The following LRRTM4 variants were observed in gnomAD, a reference collection of about 807,000 sequenced individuals.
LRRTM4 encodes the protein leucine rich repeat transmembrane neuronal 4, also known as leucine-rich repeat transmembrane neuronal protein 4.
Under a neutral mutation model 47.6 loss-of-function variants are expected in LRRTM4, and 25 were observed. That is an observed-to-expected ratio of 0.53 (90% CI 0.38 to 0.73). The LOEUF (loss-of-function observed/expected upper bound fraction) is 0.73. Ranked by LOEUF, LRRTM4 falls within the 30% of genes least tolerant of loss-of-function variation. The pLI is 0.00. For synonymous variants in LRRTM4, 311 were observed against 269.5 expected (o/e 1.15, Z -1.51); for missense variants, 638 against 713.4 (o/e 0.89, Z 1.20).
intron 3 of LRRTM4, among the ~76,000 whole-genome samples, chr2:77,394,376 GA>G (rs1242922963): frequency 6.6e-6 from 1 of 151,766 alleles, no homozygotes; most frequent in African/African-American, 2.4e-5. Context: ...TTCACTTTTG[GA>G]AAAGATAGTT....
At chr2:77,333,857 C>A (rs369058078) in intron 3 of LRRTM4, among the ~76,000 whole-genome samples, 1 of 152,116 alleles carries the variant, frequency 6.6e-6, no homozygotes, top group Non-Finnish European at 1.5e-5. Context: ...GGAAAAGCTG[C>A]GGACACTCAG....
intron 3 of LRRTM4, among the ~76,000 whole-genome samples, chr2:77,040,270 A>T (rs1233654210): frequency 6.6e-6 from 1 of 151,330 alleles, no homozygotes; most frequent in Admixed American, 6.6e-5. Context: ...TATATATATA[A>T]AATCATGATG....
Position 77,311,470 on chromosome 2 carries a change from G to A in LRRTM4, c.1551+206848C>T, listed in dbSNP as rs188905350. On this transcript the variant is annotated intron_variant, in intron 3 of 3. Transcript: ENST00000409884. The stretch of plus-strand genomic sequence containing the variant: ...ATTGAATCATGTTTACCAGCCGTGG[G>A]AAATTAGGCAAGCTTCAAGTCCTTG... Among the ~76,000 whole-genome samples the A allele has an allele frequency of 2.6e-5, 4 of 152,294 alleles. No individual in the cohort carries two copies. In the South Asian group the frequency reaches 8.3e-4, roughly 32 times the overall value.
At chr2:77,035,380 T>C (rs904926538) in intron 3 of LRRTM4, among the ~76,000 whole-genome samples, 5 of 151,972 alleles carry the variant, frequency 3.3e-5, no homozygotes. Flanking sequence ...GCTATTGACA[T>C]TGGTATAATC....
chr2:77,478,037 A>C (rs551925243), intron 3 of LRRTM4, among the ~76,000 whole-genome samples: 4 of 152,128 alleles, frequency 2.6e-5, no homozygotes, highest in African/African-American at 9.7e-5. Context: ...TCAGGCTCAT[A>C]GTTTTCCAGT....
chr2:77,381,809 T>A (rs2103793497), intron 3 of LRRTM4, among the ~76,000 whole-genome samples: 1 of 152,160 alleles, frequency 6.6e-6, no homozygotes. Context: ...TTTATGTAGA[T>A]AAAAAGTATA....
chr2:77,486,316 T>C (rs1043081095), intron 3 of LRRTM4, among the ~76,000 whole-genome samples: 6 of 152,188 alleles, frequency 3.9e-5, no homozygotes, highest in African/African-American at 1.4e-4. Context: ...ATCCTTTCCT[T>C]ACTCAAAAAC....
intron 3 of LRRTM4, among the ~76,000 whole-genome samples, chr2:76,815,643 G>C (rs905324602): frequency 6.6e-5 from 10 of 152,082 alleles, no homozygotes; most frequent in African/African-American, 1.9e-4. Context: ...TTGTTTTGAA[G>C]ACTGCAAAAA....
At chr2:77,453,638 G>A (rs1676352087) in intron 3 of LRRTM4, among the ~76,000 whole-genome samples, 1 of 151,856 alleles carries the variant, frequency 6.6e-6, no homozygotes. Flanking sequence ...TGCTTTTCTT[G>A]ATATAATATT....
At chr2:77,225,843 A>G (rs1169194449) in intron 3 of LRRTM4, among the ~76,000 whole-genome samples, 2 of 152,146 alleles carry the variant, frequency 1.3e-5, no homozygotes, top group East Asian at 3.9e-4. Context: ...AGCACATTCA[A>G]ATATAATATT....
chr2:76,791,496 G>C (rs1573109629), intron 3 of LRRTM4, among the ~76,000 whole-genome samples: 1 of 152,284 alleles, frequency 6.6e-6, no homozygotes, highest in South Asian at 2.1e-4. Context: ...CAACAAGGAA[G>C]ACAAGGGACT....
chr2:77,193,070 TA>T (rs1396006803), intron 3 of LRRTM4, among the ~76,000 whole-genome samples: 1 of 152,202 alleles, frequency 6.6e-6, no homozygotes, highest in Non-Finnish European at 1.5e-5. Flanking sequence ...CTTAGTGACA[TA>T]GCCATTGTGC....
In LRRTM4 at chr2:77,091,358, A is replaced by C. The variant is rs551356599; in HGVS notation, c.1552-342442T>G. Among the ~76,000 whole-genome samples, 564 of 141,046 alleles carry C rather than the reference A, an allele frequency of 4.0e-3. 5 individuals are homozygous for C. The highest frequency in any genetic ancestry group is 0.016 in the African/African-American group (525 of 33,236). The allele number at this position is 141,046 out of a possible 152,430, so 92.5% of individuals were successfully genotyped here. A position where few individuals can be genotyped will look rare whatever the true frequency, so the allele number is the denominator to read the frequency against. ...AATCACCCTTACCCCACTCAACGCCAATATCCCATCCCGAAGCACACTTTA... is the reference window on the plus strand; with the variant it reads ...AATCACCCTTACCCCACTCAACGCCCATATCCCATCCCGAAGCACACTTTA... On this transcript the variant is annotated intron_variant, in intron 3 of 3. Transcript: ENST00000409884.
intron 3 of LRRTM4, among the ~76,000 whole-genome samples, chr2:76,880,202 C>G (rs373226597): frequency 1.3e-5 from 2 of 152,146 alleles, no homozygotes; most frequent in African/African-American, 4.8e-5. Context: ...AATGCGGGTA[C>G]AGCATCACAT....
At chr2:76,799,953 G>C (rs1558662068) in intron 3 of LRRTM4, among the ~76,000 whole-genome samples, 2 of 151,252 alleles carry the variant, frequency 1.3e-5, no homozygotes, top group Non-Finnish European at 2.9e-5. Context: ...AAATAAAAGA[G>C]GATACAAACA....
intron 3 of LRRTM4, among the ~76,000 whole-genome samples, chr2:77,494,299 A>T (rs989317327): frequency 6.6e-6 from 1 of 152,056 alleles, no homozygotes; most frequent in Non-Finnish European, 1.5e-5. Flanking sequence ...TAACAACTTC[A>T]TCTGTTTGTT....
At chr2:77,200,417 C>A (rs1342084054) in intron 3 of LRRTM4, among the ~76,000 whole-genome samples, 1 of 151,990 alleles carries the variant, frequency 6.6e-6, no homozygotes, top group East Asian at 1.9e-4. Flanking sequence ...TATGGAGATG[C>A]ATAATTGTTA....
At chr2:77,049,157 T>TATATATATACACAC (rs1351971551) in intron 3 of LRRTM4, among the ~76,000 whole-genome samples, 84 of 106,230 alleles carry the variant, frequency 7.9e-4, no homozygotes, top group African/African-American at 4.1e-3. Flanking sequence ...TATATATATA[T>TATATATATACACAC]ACACACACAC....
At chr2:76,843,560 A>G (rs1671749781) in intron 3 of LRRTM4, among the ~76,000 whole-genome samples, 1 of 152,210 alleles carries the variant, frequency 6.6e-6, no homozygotes, top group Non-Finnish European at 1.5e-5. Context: ...ATATTTCATA[A>G]TAACAATAAA....
Sources: gnomAD v4.1 joint callset for allele counts (sites outside exome capture counted in the v4.1 genomes callset) on GRCh38, gnomAD v4.1.1 for gene constraint, MANE v1.5 for transcripts, NCBI Gene and HGNC (gene_info 2026-07-23, HGNC 2026-07-21) for gene names.